The following SAMMSON variants were observed in gnomAD, a reference collection of about 807,000 sequenced individuals.
The protein encoded by SAMMSON is survival associated mitochondrial melanoma specific oncogenic non-coding RNA.
chr3:70,316,720 T>C (rs939615582), intron 7 of SAMMSON, among the ~76,000 whole-genome samples: 1 of 152,038 alleles, frequency 6.6e-6, no homozygotes, highest in Non-Finnish European at 1.5e-5. Context: ...ATTTGTAACA[T>C]AGGTTCTCCC....
chr3:70,307,672 C>G (rs926578473), intron 7 of SAMMSON, among the ~76,000 whole-genome samples: 1 of 152,146 alleles, frequency 6.6e-6, no homozygotes, highest in Admixed American at 6.5e-5. Context: ...CTTCCCTTAA[C>G]ATTTCATCTG....
intron 3 of SAMMSON, chr3:70,065,205 A>G (rs1576112841): frequency 3.9e-5 from 6 of 152,230 alleles, no homozygotes; most frequent in Admixed American, 3.9e-4. Context: ...TAGCACAATC[A>G]CAAAAGAGGT....
At chr3:70,395,830 C>A (rs572820611) in intron 2 of SAMMSON, among the ~76,000 whole-genome samples, 1 of 152,050 alleles carries the variant, frequency 6.6e-6, no homozygotes, top group Non-Finnish European at 1.5e-5. Context: ...CCAAGAAGGG[C>A]CAAGTGCTTC....
At chr3:70,265,235 A>G (rs1701905419) in intron 6 of SAMMSON, among the ~76,000 whole-genome samples, 1 of 152,204 alleles carries the variant, frequency 6.6e-6, no homozygotes, top group Non-Finnish European at 1.5e-5. Context: ...CTCTGGATAA[A>G]TCATATTTAA....
intron 9 of SAMMSON, among the ~76,000 whole-genome samples, chr3:70,382,180 C>CT (rs1247254782): frequency 6.6e-6 from 1 of 152,078 alleles, no homozygotes; most frequent in South Asian, 2.1e-4. Flanking sequence ...TATTTAAGCA[C>CT]TTTAGTATGT....
At chr3:70,284,123 C>T (rs1310493422) in intron 6 of SAMMSON, among the ~76,000 whole-genome samples, 2 of 152,002 alleles carry the variant, frequency 1.3e-5, no homozygotes, top group African/African-American at 2.4e-5. Context: ...ACTGTTACAA[C>T]GTTCTAGTTA....
At chr3:70,376,832 T>C in intron 9 of SAMMSON, among the ~76,000 whole-genome samples, 1 of 152,174 alleles carries the variant, frequency 6.6e-6, no homozygotes, top group East Asian at 1.9e-4. Flanking sequence ...TCTTTTTCTG[T>C]ACATTTTAAC....
At chr3:70,073,366 A>G (rs1321928371) in intron 4 of SAMMSON, among the ~76,000 whole-genome samples, 1 of 152,040 alleles carries the variant, frequency 6.6e-6, no homozygotes, top group Non-Finnish European at 1.5e-5. Flanking sequence ...ATATTGTTGT[A>G]TTTTATTTAT....
intron 3 of SAMMSON, among the ~76,000 whole-genome samples, chr3:70,022,274 C>T (rs73102066): frequency 0.24 from 7,472 of 31,586 alleles, 308 homozygotes; most frequent in South Asian, 0.35. Context: ...AAATTGTTGC[C>T]GGGTGGGGGG....
At chr3:70,159,018 T>C (rs1347039906) in intron 4 of SAMMSON, among the ~76,000 whole-genome samples, 2 of 152,082 alleles carry the variant, frequency 1.3e-5, no homozygotes, top group Admixed American at 1.3e-4. Context: ...GTTTTTTTCC[T>C]ATACTTTTTA....
intron 4 of SAMMSON, among the ~76,000 whole-genome samples, chr3:70,182,170 C>T (rs1329563315): frequency 2.6e-5 from 4 of 151,892 alleles, no homozygotes; most frequent in African/African-American, 9.7e-5. Context: ...TTTTTTAATT[C>T]CTATGGCATA....
At chr3:70,425,648 C>T (rs1701359186) in intron 2 of SAMMSON, among the ~76,000 whole-genome samples, 1 of 151,998 alleles carries the variant, frequency 6.6e-6, no homozygotes, top group Admixed American at 6.6e-5. Flanking sequence ...CTACTGACCT[C>T]ATGATCCGCC....
chr3:70,311,859 T>C (rs1322843634), intron 7 of SAMMSON: 1 of 397,284 alleles, frequency 2.5e-6, no homozygotes, highest in East Asian at 3.6e-5. Flanking sequence ...TTCACACCAA[T>C]AGAAAATCAA....
At chr3:70,206,646 A>C (rs1701293307) in intron 4 of SAMMSON, 1 of 397,816 alleles carries the variant, frequency 2.5e-6, no homozygotes, top group African/African-American at 2.1e-5. Context: ...AAGGGAGGAC[A>C]GTGATGTGCT....
intron 4 of SAMMSON, among the ~76,000 whole-genome samples, chr3:70,212,060 G>C (rs1054854991): frequency 6.6e-6 from 1 of 151,856 alleles, no homozygotes; most frequent in Non-Finnish European, 1.5e-5. Context: ...GCCCTTGAAG[G>C]CCGTATTTGT....
chr3:70,296,303 A>G (rs1185405969), intron 7 of SAMMSON, among the ~76,000 whole-genome samples: 37 of 152,052 alleles, frequency 2.4e-4, no homozygotes, highest in Admixed American at 2.4e-3. Context: ...CCCTTTCCAA[A>G]TCAGTTTATT....
chr3:70,410,255 G>T (rs1422266514), intron 2 of SAMMSON, among the ~76,000 whole-genome samples: 1 of 152,122 alleles, frequency 6.6e-6, no homozygotes. Context: ...TAGGCTACAT[G>T]CCCTATTTTA....
intron 3 of SAMMSON, chr3:70,014,433 A>C (rs1458686583): frequency 6.6e-6 from 1 of 152,198 alleles, no homozygotes; most frequent in African/African-American, 2.4e-5. Context: ...GCTTCTGGGG[A>C]GCATAGTCCC....
At chr3:70,309,538 A>T (rs1702437017) in intron 7 of SAMMSON, among the ~76,000 whole-genome samples, 1 of 152,230 alleles carries the variant, frequency 6.6e-6, no homozygotes, top group African/African-American at 2.4e-5. Context: ...GAGATAAAGT[A>T]ACATGGCACA....
Sources: allele counts gnomAD v4.1 joint callset (sites outside exome capture counted in the v4.1 genomes callset), GRCh38; gene constraint gnomAD v4.1.1; transcripts MANE v1.5; gene names NCBI Gene and HGNC (gene_info 2026-07-23, HGNC 2026-07-21).